The following SHROOM3 variants were observed in gnomAD, a reference collection of about 807,000 sequenced individuals.
The protein encoded by SHROOM3 is shroom family member 3, also known as protein Shroom3.
Under a neutral mutation model 138.6 loss-of-function variants are expected in SHROOM3, and 47 were observed. The observed-to-expected ratio is 0.34, with a 90% CI of 0.27 to 0.43. The LOEUF (loss-of-function observed/expected upper bound fraction) is 0.43. SHROOM3 is among the 20% of genes least tolerant of loss of function. SHROOM3 has a pLI of 1.00. For synonymous variants in SHROOM3, 1,062 were observed against 1,063.3 expected, an observed-to-expected ratio of 1.00 and a Z score of 0.02; for missense variants, 2,491 against 2,596.5, an observed-to-expected ratio of 0.96 and a Z score of 0.88.
At chr4:76,608,556 A>AGCATAGCG (rs1734673998) in intron 2 of SHROOM3, among the ~76,000 whole-genome samples, 3 of 78,696 alleles carry the variant, frequency 3.8e-5, no homozygotes, top group African/African-American at 1.5e-4. Flanking sequence ...ATAGCATAGC[A>AGCATAGCG]TAGCATAGCA....
chr4:76,661,660 G>A (rs776528098), intron 2 of SHROOM3, among the ~76,000 whole-genome samples: 4 of 152,050 alleles, frequency 2.6e-5, no homozygotes, highest in Admixed American at 6.6e-5. Context: ...CTAGAAATTC[G>A]TTAAATGAAA....
At chr4:76,587,169 A>G (rs914464765) in intron 2 of SHROOM3, 2 of 152,140 alleles carry the variant, frequency 1.3e-5, no homozygotes, top group African/African-American at 2.4e-5. Flanking sequence ...TTGTAAATCA[A>G]TTGACACATA....
intron 2 of SHROOM3, among the ~76,000 whole-genome samples, chr4:76,637,301 G>T (rs1735524664): frequency 6.6e-6 from 1 of 152,318 alleles, no homozygotes; most frequent in African/African-American, 2.4e-5. Flanking sequence ...CAAAACTCTT[G>T]CAGATGCAAT....
chr4:76,543,419 G>A (rs935328856), intron 1 of SHROOM3, among the ~76,000 whole-genome samples: 5 of 152,146 alleles, frequency 3.3e-5, no homozygotes, highest in African/African-American at 1.2e-4. Flanking sequence ...AGCTGCACAT[G>A]GATTTGACAG....
At chr4:76,682,129 G>A (rs1719217894) in intron 2 of SHROOM3, among the ~76,000 whole-genome samples, 1 of 152,158 alleles carries the variant, frequency 6.6e-6, no homozygotes. Context: ...CACATCTTAA[G>A]TCGGGCACAT....
intron 3 of SHROOM3, among the ~76,000 whole-genome samples, chr4:76,721,473 C>T (rs1304153099): frequency 1.3e-5 from 2 of 152,110 alleles, no homozygotes; most frequent in Non-Finnish European, 2.9e-5. Flanking sequence ...CGGTGGAGTA[C>T]TAGGTAGCTG....
chr4:76,490,271 C>A (rs1421053585), intron 1 of SHROOM3, among the ~76,000 whole-genome samples: 1 of 152,132 alleles, frequency 6.6e-6, no homozygotes, highest in Non-Finnish European at 1.5e-5. Flanking sequence ...GGACAGCAAC[C>A]ATTCAGAGGC....
intron 1 of SHROOM3, among the ~76,000 whole-genome samples, chr4:76,493,776 C>T (rs777079783): frequency 2.0e-4 from 31 of 152,096 alleles, no homozygotes; most frequent in Admixed American, 3.3e-4. Context: ...GTCAGGAGTT[C>T]GAGACCAGCC....
chr4:76,467,658 T>C (rs1731275674), intron 1 of SHROOM3, among the ~76,000 whole-genome samples: 1 of 152,136 alleles, frequency 6.6e-6, no homozygotes, highest in Non-Finnish European at 1.5e-5. Flanking sequence ...ACAAGTGAAG[T>C]CACTGCAACT....
chr4:76,667,908 C>T (rs1001006534), intron 2 of SHROOM3, among the ~76,000 whole-genome samples: 3 of 132,940 alleles, frequency 2.3e-5, no homozygotes, highest in Non-Finnish European at 3.0e-5. Context: ...GCGGAGGTTG[C>T]AGTGAGCCAA....
chr4:76,541,671 C>T (rs893319923), intron 1 of SHROOM3, among the ~76,000 whole-genome samples: 1 of 151,050 alleles, frequency 6.6e-6, no homozygotes, highest in Non-Finnish European at 1.5e-5. Flanking sequence ...AGAGTATTGC[C>T]CTTGTCACAG....
intron 1 of SHROOM3, among the ~76,000 whole-genome samples, chr4:76,513,577 G>A (rs1176798927): frequency 1.3e-5 from 2 of 152,194 alleles, no homozygotes; most frequent in South Asian, 2.1e-4. Context: ...GCCTTCCAAA[G>A]CACTGGGATT....
intron 2 of SHROOM3, among the ~76,000 whole-genome samples, chr4:76,582,607 T>C (rs1042314772): frequency 1.3e-5 from 2 of 152,152 alleles, no homozygotes; most frequent in Non-Finnish European, 2.9e-5. Context: ...AAAATGGCAA[T>C]TAGGAGAAAA....
intron 2 of SHROOM3, among the ~76,000 whole-genome samples, chr4:76,650,167 AAGTT>A (rs1266179334): frequency 2.0e-5 from 3 of 152,192 alleles, no homozygotes; most frequent in Admixed American, 1.3e-4. Flanking sequence ...GCCACAGTGA[AAGTT>A]AGGGCTTCAA....
intron 2 of SHROOM3, among the ~76,000 whole-genome samples, chr4:76,603,838 CTTTTTT>C (rs993165829): frequency 1.0e-5 from 1 of 97,282 alleles, no homozygotes; most frequent in Non-Finnish European, 2.0e-5. Context: ...ATCTTGTATT[CTTTTTT>C]TTTTTTTTTT....
chr4:76,742,010 T>C lies in SHROOM3; in HGVS notation c.3753+84T>C, dbSNP rs201780581. 3.5e-4 allele frequency: 530 copies of C among 1,503,114 alleles called. 2 individuals are homozygous for C. In the African/African-American group the frequency reaches 6.6e-3, roughly 19 times the overall value. 93.1% of individuals were successfully genotyped at this position (1,503,114 alleles called of 1,614,324 possible). ...TGGGGCTCCCCAACCCCCCACACTCTCACCCGCTCTCCCAGTTCAGTTTTC... is the reference window on the plus strand; with the variant it reads ...TGGGGCTCCCCAACCCCCCACACTCCCACCCGCTCTCCCAGTTCAGTTTTC... On this transcript the variant is annotated intron_variant, in intron 5 of 10. Coordinates refer to ENST00000296043, the MANE Select transcript of SHROOM3 (RefSeq NM_020859.4).
rs1720851675 is a variant in SHROOM3, at chr4:76,730,844, A to G, written c.496A>G (p.Thr166Ala). Residue 166 changes from threonine to alanine, a missense_variant, in exon 4 of 11, where the codon ACT (threonine) becomes GCT (alanine). Physicochemically the swap from Thr to Ala is moderately conservative, Grantham distance 58 (BLOSUM62 0). Around this residue, in one of 4 missense-constraint regions of SHROOM3, gnomAD observed 284 missense variants for 322.8 expected, o/e 0.88. Coordinates refer to ENST00000296043, the MANE Select transcript of SHROOM3 (RefSeq NM_020859.4). ...AGGCCGACCTCACTCGTGGCACACAACTAAATCTGGGGAGAAGCAACCCGA... is the reference window on the plus strand; with the variant it reads ...AGGCCGACCTCACTCGTGGCACACAGCTAAATCTGGGGAGAAGCAACCCGA... ...PAGRPHSWHTTKSGEKQPDAS... is the reference protein window; with the variant it reads ...PAGRPHSWHTAKSGEKQPDAS... 5 of 1,614,132 alleles carry G rather than the reference A, an allele frequency of 3.1e-6. No homozygotes were observed. Among genetic ancestry groups the G allele is most frequent in the Middle Eastern group, 3.3e-4 (2 of 6,062 alleles).
chr4:76,766,482 T>C (rs1340173555), intron 9 of SHROOM3, among the ~76,000 whole-genome samples: 2 of 152,212 alleles, frequency 1.3e-5, no homozygotes, highest in Non-Finnish European at 2.9e-5. Flanking sequence ...GAAGAACTCG[T>C]ATAAATAGCA....
At chr4:76,502,834 CTGATACGTTTTTTCTCTCGTA>C (rs1032413112) in intron 1 of SHROOM3, among the ~76,000 whole-genome samples, 1 of 152,128 alleles carries the variant, frequency 6.6e-6, no homozygotes, top group African/African-American at 2.4e-5. Flanking sequence ...GATTAGAGTC[CTGATACGTTTTTTCTCTCGTA>C]TGGCTATCCA....
Sources: gnomAD v4.1 joint callset for allele counts (sites outside exome capture counted in the v4.1 genomes callset) on GRCh38, gnomAD v4.1.1 for gene constraint, gnomAD v4.1.1 regional missense constraint, MANE v1.5 for transcripts, NCBI Gene and HGNC (gene_info 2026-07-23, HGNC 2026-07-21) for gene names.